Variants in RCOR3 observed in about 807,000 individuals in gnomAD.
The protein encoded by RCOR3 is REST corepressor 3.
In RCOR3, 13 loss-of-function variants were observed where a neutral mutation model predicts 64.1. The observed-to-expected ratio is 0.20, with a 90% CI of 0.13 to 0.32. RCOR3 has a LOEUF of 0.32. RCOR3 is among the 10% of genes least tolerant of loss of function. The pLI, the probability that RCOR3 is intolerant of heterozygous loss-of-function variation, is 1.00. For missense variants in RCOR3, 489 were observed against 701.2 expected, an observed-to-expected ratio of 0.70 and a Z score of 3.42; for synonymous variants, 215 against 239.0, an observed-to-expected ratio of 0.90 and a Z score of 0.93.
chr1:211,260,286 C>T, intron 2 of RCOR3, 122 bp downstream of exon 2: 1 of 818,866 alleles, frequency 1.2e-6, no homozygotes, highest in South Asian at 1.6e-5. Flanking sequence ...GGCAGGCATC[C>T]GTGGCGGGGA....
intron 10 of RCOR3, among the ~76,000 whole-genome samples, chr1:211,309,791 A>G (rs1273882385): frequency 6.6e-6 from 1 of 152,206 alleles, no homozygotes; most frequent in Admixed American, 6.5e-5. Context: ...CTGATGCCGT[A>G]AGTTGTTAAA....
intron 9 of RCOR3, among the ~76,000 whole-genome samples, chr1:211,298,744 T>A (rs761014017): frequency 6.6e-6 from 1 of 151,886 alleles, no homozygotes; most frequent in Non-Finnish European, 1.5e-5. Flanking sequence ...TGGTGGCTCA[T>A]GCCTGTAATC....
At chr1:211,260,201 T>A (rs766925808) in intron 2 of RCOR3, 37 bp downstream of exon 2, 91 of 1,594,464 alleles carry the variant, frequency 5.7e-5, no homozygotes, top group Middle Eastern at 3.3e-4. Context: ...TCATATCCCC[T>A]TTCCTGGGCT....
In RCOR3 at chr1:211,313,569, G is replaced by T; in HGVS notation, c.1463G>T (p.Arg488Leu). Residue 488 changes from arginine (R) to leucine (L), a missense_variant, in exon 12 of 12, where the codon CGG becomes CTG. Physicochemically the swap from Arg to Leu is moderately radical, Grantham distance 102. Transcript: ENST00000419091. This position sits in a 1 kb window ranked among gnomAD's most constrained non-coding sequence, Gnocchi z 4.7. ...CTGCCTGCTGCCCCGGCTCTTCACC[G>T]GCAGCCTCCTCCACTCCAGCAGCAG... ...PTLPAAPALH[R>L]QPPPLQQQAR... The T allele has an allele frequency of 6.2e-7, 1 of 1,613,920 alleles. No individual in the cohort carries two copies. The highest frequency in any genetic ancestry group is 8.5e-7 in the Non-Finnish European group (1 of 1,179,976).
chr1:211,296,229 C>T (rs1010067990), intron 9 of RCOR3, among the ~76,000 whole-genome samples: 1 of 152,168 alleles, frequency 6.6e-6, no homozygotes, highest in Non-Finnish European at 1.5e-5. Context: ...TGTGGACTTA[C>T]ATTCTTGTAC....
intron 7 of RCOR3, among the ~76,000 whole-genome samples, chr1:211,287,639 T>C (rs1698709430): frequency 6.6e-6 from 1 of 152,128 alleles, no homozygotes; most frequent in African/African-American, 2.4e-5. Flanking sequence ...CCCAGCACTT[T>C]AGGTAGCCGA....
Position 211,315,980 on chromosome 1 carries a change from G to A in RCOR3, c.*2212G>A, listed in dbSNP as rs1701843613. 1 of 152,098 alleles carries A rather than the reference G, an allele frequency of 6.6e-6. No individual in the cohort carries two copies. The highest frequency in any genetic ancestry group is 2.4e-5 in the African/African-American group (1 of 41,426). The allele number at this position is 152,098 out of a possible 1,614,324, so 9.4% of individuals were successfully genotyped here. On this transcript the variant is annotated 3_prime_UTR_variant, in exon 12 of 12. Coordinates refer to ENST00000419091, the MANE Select transcript of RCOR3 (RefSeq NM_001136223.3). ...AGTGTTTGGCCTGGAAGAGTGATAT[G>A]CTTGCTGCTTAATCAAAGGATTAAA... is the stretch of plus-strand genomic sequence containing the variant.
In RCOR3 at chr1:211,314,800, G is replaced by A. The variant is rs1701783282; in HGVS notation, c.*1032G>A. On this transcript the variant is annotated 3_prime_UTR_variant, in exon 12 of 12. Transcript: ENST00000419091. ...ATATGGTCTGCATTTAATATGAAAGGTGTTTTATTGATAAATCTATTGTAC... is the reference window on the plus strand; with the variant it reads ...ATATGGTCTGCATTTAATATGAAAGATGTTTTATTGATAAATCTATTGTAC... The A allele has an allele frequency of 6.6e-6, 1 of 152,066 alleles. No homozygotes were observed. 9.4% of individuals were successfully genotyped at this position (152,066 alleles called of 1,614,324 possible).
chr1:211,269,141 T>G (rs529135545), intron 2 of RCOR3, among the ~76,000 whole-genome samples: 1 of 151,332 alleles, frequency 6.6e-6, no homozygotes, highest in African/African-American at 2.5e-5. Context: ...GAATTCTGGC[T>G]ATTAATGGTA....
At chr1:211,303,990 T>C (rs943819660) in intron 9 of RCOR3, 93 bp from the exon 10 acceptor site, 1 of 678,946 alleles carries the variant, frequency 1.5e-6, no homozygotes, top group Non-Finnish European at 2.4e-6. Context: ...AGTAATCTCA[T>C]GTCTGTGATT....
chr1:211,276,423 G>A lies in RCOR3; in HGVS notation c.516+5G>A. 1 of 1,609,258 alleles carries A rather than the reference G, an allele frequency of 6.2e-7. No individual in the cohort carries two copies. The highest frequency in any genetic ancestry group is 8.5e-7 in the Non-Finnish European group (1 of 1,177,310). On this transcript the variant is annotated splice_donor_5th_base_variant and intron_variant, in intron 5 of 11. Coordinates refer to ENST00000419091, the MANE Select transcript of RCOR3 (RefSeq NM_001136223.3). ...TTTCACAGGATTCAGCAAATGGTAT[G>A]GTAATTTTAATCTTACTGTGGTTCA...
intron 4 of RCOR3, among the ~76,000 whole-genome samples, chr1:211,275,442 T>G (rs1222490123): frequency 6.6e-6 from 1 of 152,106 alleles, no homozygotes; most frequent in Non-Finnish European, 1.5e-5. Context: ...TATACCTTAA[T>G]ATGTTTGTTT....
rs192351759 is a variant in RCOR3 at position 211,277,850 on chromosome 1, C to T, written c.517-267C>T. 5.3e-4 allele frequency among the ~76,000 whole-genome samples: 80 copies of T among 152,218 alleles called. 1 individual carries two copies. The highest frequency in any genetic ancestry group is 3.5e-4 in the Non-Finnish European group (24 of 67,996). ...CATATATTGAATACTAACATGGCTG[C>T]GCTGGGAACTTCTGGGGACATTCTC... On this transcript the variant is annotated intron_variant, in intron 5 of 11. Coordinates refer to ENST00000419091, the MANE Select transcript of RCOR3 (RefSeq NM_001136223.3).
At position 211,259,443 on chromosome 1, in the gene RCOR3, GCCGCCGCCGCCGTCTCCTCCTCCTCCT is replaced by G; in HGVS notation, c.-115_-89del. Reference sequence around the variant, plus strand: ...CATATTAACAGCCTCCTCCTCCTCCGCCGCCGCCGCCGTCTCCTCCTCCTCCTCCTTTCCCTCCCGCCCGCGCTCTAA... The same window carrying G: ...CATATTAACAGCCTCCTCCTCCTCCGCCTTTCCCTCCCGCCCGCGCTCTAA... On this transcript the variant is annotated 5_prime_UTR_variant, in exon 1 of 12. Coordinates refer to ENST00000419091, the MANE Select transcript of RCOR3 (RefSeq NM_001136223.3). 1.1e-6 allele frequency: 1 copy of G among 939,634 alleles called. No homozygotes were observed. The highest frequency in any genetic ancestry group is 1.5e-6 in the Non-Finnish European group (1 of 661,338). The allele number at this position is 939,634 out of a possible 1,614,324, so 58.2% of individuals were successfully genotyped here.
Position 211,295,708 on chromosome 1 carries a change from T to G in RCOR3, c.972T>G (p.Leu324=). 6.2e-7 allele frequency: 1 copy of G among 1,613,710 alleles called. No individual in the cohort carries two copies. Among genetic ancestry groups the G allele is most frequent in the East Asian group, 2.2e-5 (1 of 44,776 alleles). ...ATGCTAAGCAAGTAAACAGTGCACT[T>G]AAACAGAAAATGGAAGGTGGAATTG... The part of the protein sequence containing the change: ...VQNAKQVNSA[L]KQKMEGGIEE... Residue 324 remains leucine (L), a synonymous_variant, in exon 9 of 12, where the codon CTT becomes CTG. Transcript: ENST00000419091.
intron 8 of RCOR3, among the ~76,000 whole-genome samples, chr1:211,294,553 G>T (rs1449216317): frequency 6.8e-6 from 1 of 147,116 alleles, no homozygotes. Flanking sequence ...TATGAATTTT[G>T]CATAGCACAC....
intron 6 of RCOR3, 117 bp from the exon 7 acceptor site, chr1:211,279,121 A>C (rs1697414449): frequency 1.7e-6 from 1 of 586,356 alleles, no homozygotes; most frequent in Non-Finnish European, 3.0e-6. Flanking sequence ...CAGGAGGCAG[A>C]GGTTGCAGTG....
Position 211,289,173 on chromosome 1 carries a change from C to T in RCOR3, c.721-5C>T. 6.2e-7 allele frequency: 1 copy of T among 1,610,370 alleles called. No homozygotes were observed. Among genetic ancestry groups the T allele is most frequent in the African/African-American group, 1.3e-5 (1 of 74,960 alleles). ...TGACCTGTTATTCTGCTTTTATTCT[C>T]TTAGGGTAATACTGAACAACCTGTC... On this transcript the variant is annotated splice_polypyrimidine_tract_variant and splice_region_variant and intron_variant, in intron 7 of 11. Coordinates refer to ENST00000419091, the MANE Select transcript of RCOR3 (RefSeq NM_001136223.3).
Position 211,312,643 on chromosome 1 carries a change from T to A in RCOR3, c.1076-77T>A, listed in dbSNP as rs1016928967. ...AAGGAATTTCATTGCTGGTATCTTT[T>A]GTGTGTGCATGATGTATAGTACACA... On this transcript the variant is annotated intron_variant, in intron 10 of 11. Coordinates refer to ENST00000419091, the MANE Select transcript of RCOR3 (RefSeq NM_001136223.3). This position sits in a 1 kb window ranked among gnomAD's most constrained non-coding sequence, Gnocchi z 5.0. The A allele has an allele frequency of 1.5e-5, 14 of 960,220 alleles. No individual in the cohort carries two copies. The highest frequency in any genetic ancestry group is 2.2e-4 in the Middle Eastern group (1 of 4,586). The allele number at this position is 960,220 out of a possible 1,614,324, so 59.5% of individuals were successfully genotyped here. A position where few individuals can be genotyped will look rare whatever the true frequency, so the allele number is the denominator to read the frequency against.
Sources: gnomAD v4.1 joint callset for allele counts (sites outside exome capture counted in the v4.1 genomes callset) on GRCh38, gnomAD v4.1.1 for gene constraint, Gnocchi (gnomAD v3.1) non-coding constraint, MANE v1.5 for transcripts, NCBI Gene and HGNC (gene_info 2026-07-23, HGNC 2026-07-21) for gene names.